Variants in PAK1 observed in about 807,000 individuals in gnomAD.
The protein encoded by PAK1 is serine/threonine-protein kinase PAK 1.
In PAK1, 29 loss-of-function variants were observed where a neutral mutation model predicts 67.4. The observed-to-expected ratio is 0.43, with a 90% CI of 0.32 to 0.59. The LOEUF (loss-of-function observed/expected upper bound fraction) is 0.59. Among genes scored for constraint, PAK1 ranks in the 20% least tolerant of loss-of-function variants. PAK1 has a pLI of 0.07. For missense variants in PAK1, 337 were observed against 670.7 expected (o/e 0.50, Z 5.50); for synonymous variants, 223 against 237.4 (o/e 0.94, Z 0.56).
chr11:77,358,200 T>C (rs1361756487), intron 6 of PAK1, among the ~76,000 whole-genome samples: 1 of 152,134 alleles, frequency 6.6e-6, no homozygotes, highest in Admixed American at 6.5e-5. Context: ...TCCTTCATTA[T>C]GGAGCTCTCA....
chr11:77,384,706 AT>A (rs1295818610), intron 2 of PAK1, among the ~76,000 whole-genome samples: 2 of 152,244 alleles, frequency 1.3e-5, no homozygotes, highest in Non-Finnish European at 2.9e-5. Context: ...AGGCAAATCC[AT>A]AGACACAGAG....
chr11:77,516,090 A>C, the PAK1 span, among the ~76,000 whole-genome samples: 16 of 152,244 alleles, frequency 1.1e-4, no homozygotes, highest in South Asian at 2.1e-4. Context: ...CAAGTCACTT[A>C]ACCTCTCTAA....
chr11:77,463,150 T>C (rs1480018356), intron 1 of PAK1, among the ~76,000 whole-genome samples: 1 of 152,056 alleles, frequency 6.6e-6, no homozygotes, highest in Non-Finnish European at 1.5e-5. Context: ...AGTAAGAGTA[T>C]AGTTTCATGT....
chr11:77,322,819 G>A lies in PAK1; in HGVS notation c.*455C>T, dbSNP rs965993062. 1.7e-5 allele frequency: 7 copies of A among 404,432 alleles called. No homozygotes were observed. In the East Asian group the frequency reaches 2.9e-4, roughly 17 times the overall value. The allele number at this position is 404,432 out of a possible 1,614,324, so 25.1% of individuals were successfully genotyped here. A position where few individuals can be genotyped will look rare whatever the true frequency, so the allele number is the denominator to read the frequency against. ...CCCATGGCATTCCCAAGCTGTTCCA[G>A]TTTTCAAGTACAATGAGGTGTCTGG... On this transcript the variant is annotated 3_prime_UTR_variant, in exon 15 of 15. Transcript: ENST00000356341.
chr11:77,337,821 TG>T (rs1185747201), intron 11 of PAK1, among the ~76,000 whole-genome samples: 5 of 152,154 alleles, frequency 3.3e-5, no homozygotes, highest in Non-Finnish European at 5.9e-5. Flanking sequence ...AGCAGACATA[TG>T]GAAGTGATAC....
chr11:77,515,542 C>A, the PAK1 span, among the ~76,000 whole-genome samples: 2 of 152,028 alleles, frequency 1.3e-5, no homozygotes, highest in African/African-American at 4.8e-5. Flanking sequence ...GAAAACCTTC[C>A]CACCGAAATA....
In PAK1 at chr11:77,380,003, G is replaced by A. The variant is rs771199101; in HGVS notation, c.191-9C>T. ...CTCTTTCTTTTTATTTGCTGCAAGA[G>A]AAACAGGCAAAAGGAAATAAAAAAC... is the stretch of plus-strand genomic sequence containing the variant. On this transcript the variant is annotated splice_polypyrimidine_tract_variant and intron_variant, in intron 2 of 14. Transcript: ENST00000356341. 20 of 1,598,290 alleles carry A rather than the reference G, an allele frequency of 1.3e-5. No homozygotes were observed. Among genetic ancestry groups the A allele is most frequent in the Non-Finnish European group, 1.4e-5 (16 of 1,166,892 alleles).
the PAK1 span, among the ~76,000 whole-genome samples, chr11:77,522,056 CTT>C: frequency 1.3e-5 from 2 of 152,168 alleles, no homozygotes; most frequent in African/African-American, 4.8e-5. Flanking sequence ...GCAAAATAGA[CTT>C]TAGTCTTATA....
chr11:77,470,184 G>A (rs994855150), intron 1 of PAK1, among the ~76,000 whole-genome samples: 5 of 152,144 alleles, frequency 3.3e-5, no homozygotes, highest in Non-Finnish European at 5.9e-5. Context: ...ATTGGCAACT[G>A]CTGATTCCAC....
intron 8 of PAK1, among the ~76,000 whole-genome samples, chr11:77,350,086 A>G (rs1945025010): frequency 6.6e-6 from 1 of 152,216 alleles, no homozygotes; most frequent in South Asian, 2.1e-4. Context: ...TGAATAATCT[A>G]ATCTCAAAGT....
the PAK1 span, among the ~76,000 whole-genome samples, chr11:77,495,295 GA>G: frequency 6.6e-6 from 1 of 151,726 alleles, no homozygotes; most frequent in African/African-American, 2.4e-5. Context: ...CCAACATGGT[GA>G]AACCCCATCT....
chr11:77,519,533 G>GA, the PAK1 span, among the ~76,000 whole-genome samples: 1 of 152,194 alleles, frequency 6.6e-6, no homozygotes, highest in African/African-American at 2.4e-5. Flanking sequence ...CTGATCAGTG[G>GA]TTCCAGGGGT....
At chr11:77,449,037 T>TAGAA (rs1956739042) in intron 1 of PAK1, among the ~76,000 whole-genome samples, 1 of 152,180 alleles carries the variant, frequency 6.6e-6, no homozygotes, top group Non-Finnish European at 1.5e-5. Context: ...GTGTTTGAAA[T>TAGAA]TTAAAAGAAA....
At chr11:77,330,983 A>G (rs1941371302) in intron 14 of PAK1, among the ~76,000 whole-genome samples, 1 of 152,242 alleles carries the variant, frequency 6.6e-6, no homozygotes, top group Non-Finnish European at 1.5e-5. Flanking sequence ...AAGGATATGA[A>G]CAGACACTTC....
At chr11:77,323,644 T>G (rs1422312909) in intron 14 of PAK1, among the ~76,000 whole-genome samples, 1 of 152,180 alleles carries the variant, frequency 6.6e-6, no homozygotes, top group Non-Finnish European at 1.5e-5. Context: ...ACAGAAATGT[T>G]CATAAAAGAT....
intron 7 of PAK1, among the ~76,000 whole-genome samples, chr11:77,355,443 A>G (rs1945880378): frequency 1.3e-5 from 2 of 152,108 alleles, no homozygotes; most frequent in African/African-American, 4.8e-5. Flanking sequence ...CCTGCCCTCA[A>G]AGTAAGCTAT....
chr11:77,464,591 G>A (rs1957508109), intron 1 of PAK1, among the ~76,000 whole-genome samples: 1 of 152,194 alleles, frequency 6.6e-6, no homozygotes, highest in African/African-American at 2.4e-5. Context: ...GGAATAAATA[G>A]AAGCACTATA....
chr11:77,429,421 G>T (rs1460756585), intron 1 of PAK1, among the ~76,000 whole-genome samples: 4 of 152,138 alleles, frequency 2.6e-5, no homozygotes, highest in African/African-American at 4.8e-5. Context: ...TTATACAAGA[G>T]AAAAGAGTAA....
intron 9 of PAK1, among the ~76,000 whole-genome samples, chr11:77,348,720 A>C (rs766369474): frequency 3.0e-4 from 45 of 152,290 alleles, no homozygotes; most frequent in Non-Finnish European, 6.5e-4. Context: ...CTGCTAAGTT[A>C]TCTCTCAAAT....
Sources: gnomAD v4.1 joint callset for allele counts (sites outside exome capture counted in the v4.1 genomes callset) on GRCh38, gnomAD v4.1.1 for gene constraint, MANE v1.5 for transcripts, NCBI Gene and HGNC (gene_info 2026-07-23, HGNC 2026-07-21) for gene names.